The following SCHIP1 variants were observed in gnomAD, a reference collection of about 807,000 sequenced individuals.
The protein encoded by SCHIP1 is schwannomin-interacting protein 1.
SCHIP1 carries 8 observed loss-of-function variants against 29.7 expected under a neutral mutation model. The ratio of observed to expected loss-of-function variants is 0.27; its 90% confidence interval spans 0.16 to 0.49. SCHIP1 has a LOEUF of 0.49. Ranked by LOEUF, SCHIP1 falls within the 20% of genes least tolerant of loss-of-function variation. The pLI is 0.99. For synonymous variants in SCHIP1, 76 were observed against 94.9 expected (o/e 0.80, Z 1.16); for missense variants, 193 against 294.6 (o/e 0.66, Z 2.52).
chr3:159,680,639 T>TAATATATGTA, the SCHIP1 span, among the ~76,000 whole-genome samples: 11 of 42,636 alleles, frequency 2.6e-4, no homozygotes, highest in Non-Finnish European at 3.8e-4. Context: ...ATTTTATATA[T>TAATATATGTA]TATATAATAT....
the SCHIP1 span, among the ~76,000 whole-genome samples, chr3:159,493,639 A>T: frequency 6.6e-6 from 1 of 150,750 alleles, no homozygotes; most frequent in Non-Finnish European, 1.5e-5. Context: ...TTAGACTCCC[A>T]CACAATAATA....
intron 2 of SCHIP1, among the ~76,000 whole-genome samples, chr3:159,876,320 A>G (rs1279087816): frequency 2.0e-5 from 3 of 152,196 alleles, no homozygotes; most frequent in East Asian, 3.8e-4. Flanking sequence ...CGTGGTGGGT[A>G]GGAGCGGGGT....
chr3:159,652,844 A>G, the SCHIP1 span, among the ~76,000 whole-genome samples: 2 of 152,232 alleles, frequency 1.3e-5, no homozygotes, highest in African/African-American at 4.8e-5. Flanking sequence ...TTCTTTAAAA[A>G]TGATCTATTT....
At chr3:159,375,345 G>A in the SCHIP1 span, among the ~76,000 whole-genome samples, 1 of 152,218 alleles carries the variant, frequency 6.6e-6, no homozygotes, top group African/African-American at 2.4e-5. Context: ...ATGGGCAGGA[G>A]GCAACCTTCA....
chr3:159,697,640 G>A, the SCHIP1 span, among the ~76,000 whole-genome samples: 8 of 151,954 alleles, frequency 5.3e-5, no homozygotes, highest in African/African-American at 1.9e-4. Context: ...ATCTTCCTTA[G>A]TATAAAATAT....
the SCHIP1 span, among the ~76,000 whole-genome samples, chr3:159,580,429 A>C: frequency 2.6e-5 from 4 of 152,180 alleles, no homozygotes. Flanking sequence ...TGGAGGAAGA[A>C]GCAGGTGAGG....
At chr3:159,422,514 A>T in the SCHIP1 span, among the ~76,000 whole-genome samples, 16 of 152,200 alleles carry the variant, frequency 1.1e-4, no homozygotes. Flanking sequence ...CATGCAGCTC[A>T]GTGAATTCCC....
At chr3:159,337,360 G>C in the SCHIP1 span, among the ~76,000 whole-genome samples, 7 of 152,200 alleles carry the variant, frequency 4.6e-5, no homozygotes, top group Middle Eastern at 6.8e-3. Flanking sequence ...AGTCAGGCAG[G>C]AGAAGGAAAT....
At chr3:159,665,181 C>T in the SCHIP1 span, among the ~76,000 whole-genome samples, 27 of 152,328 alleles carry the variant, frequency 1.8e-4, no homozygotes, top group African/African-American at 6.5e-4. Flanking sequence ...TTTAGAACTA[C>T]TGGTTCAGAC....
chr3:159,277,214 C>T, the SCHIP1 span, among the ~76,000 whole-genome samples: 1 of 152,144 alleles, frequency 6.6e-6, no homozygotes, highest in Non-Finnish European at 1.5e-5. Context: ...TGGAACTGTA[C>T]TGTGTAGAAT....
At chr3:159,721,861 G>T in the SCHIP1 span, 1 of 405,730 alleles carries the variant, frequency 2.5e-6, no homozygotes. Context: ...TCCACCTTGG[G>T]GATGCCACTC....
the SCHIP1 span, among the ~76,000 whole-genome samples, chr3:159,723,525 C>A: frequency 5.4e-3 from 820 of 152,272 alleles, 7 homozygotes; most frequent in Non-Finnish European, 8.6e-3. Context: ...TTAATGATAT[C>A]TTATTGCATG....
chr3:159,875,932 C>CA (rs1239402632), intron 2 of SCHIP1, among the ~76,000 whole-genome samples: 1 of 151,960 alleles, frequency 6.6e-6, no homozygotes, highest in African/African-American at 2.4e-5. Context: ...GTCTCTAGAA[C>CA]AAAACAAAAC....
the SCHIP1 span, among the ~76,000 whole-genome samples, chr3:159,811,241 G>T: frequency 1.3e-5 from 2 of 152,042 alleles, no homozygotes; most frequent in Non-Finnish European, 2.9e-5. Context: ...CCAGACTGTG[G>T]CTTGCTTTTC....
chr3:159,318,877 A>T, the SCHIP1 span, among the ~76,000 whole-genome samples: 1 of 151,630 alleles, frequency 6.6e-6, no homozygotes, highest in African/African-American at 2.4e-5. Flanking sequence ...TTGATGACCC[A>T]TAGTCAAACA....
chr3:159,509,746 T>TG, the SCHIP1 span, among the ~76,000 whole-genome samples: 1 of 152,230 alleles, frequency 6.6e-6, no homozygotes, highest in Non-Finnish European at 1.5e-5. Context: ...TGGCTGGATA[T>TG]GAAATTCTGG....
chr3:159,661,826 C>A, the SCHIP1 span, among the ~76,000 whole-genome samples: 1 of 152,142 alleles, frequency 6.6e-6, no homozygotes, highest in Admixed American at 6.5e-5. Context: ...AGTGCTCAGT[C>A]GTCCTTGCCC....
chr3:159,358,025 C>A, the SCHIP1 span, among the ~76,000 whole-genome samples: 7 of 152,196 alleles, frequency 4.6e-5, no homozygotes, highest in African/African-American at 1.7e-4. Context: ...TTAAACCAAA[C>A]TTTGAAGGAT....
the SCHIP1 span, among the ~76,000 whole-genome samples, chr3:159,766,912 T>A: frequency 6.6e-6 from 1 of 152,214 alleles, no homozygotes; most frequent in Non-Finnish European, 1.5e-5. Flanking sequence ...TATGAATCTT[T>A]CCTTCTTGGG....
Sources: allele counts gnomAD v4.1 joint callset (sites outside exome capture counted in the v4.1 genomes callset), GRCh38; gene constraint gnomAD v4.1.1; transcripts MANE v1.5; gene names NCBI Gene and HGNC (gene_info 2026-07-23, HGNC 2026-07-21).